The following SULT1A1 variants were observed in gnomAD, a reference collection of about 807,000 sequenced individuals.
SULT1A1 encodes sulfotransferase 1A1.
SULT1A1 carries 35 observed loss-of-function variants against 36.8 expected under a neutral mutation model. That is an observed-to-expected ratio of 0.95 (90% CI 0.73 to 1.26). SULT1A1 has a LOEUF of 1.26. Among genes scored for constraint, SULT1A1 ranks in the 50% most tolerant of loss-of-function variants. SULT1A1 has a pLI of 0.00. For missense variants in SULT1A1, 309 were observed against 383.0 expected (o/e 0.81, Z 1.61); for synonymous variants, 119 against 146.0 (o/e 0.82, Z 1.33).
At chr16:28,623,351 G>C (rs2047696614) in exon 1 of SULT1A1, 5 of 1,495,036 alleles carry the variant, frequency 3.3e-6, no homozygotes, top group Admixed American at 2.3e-5. Context: ...GCACGTCCCC[G>C]GCGGAGACGA....
chr16:28,609,847 G>A, intron 1 of SULT1A1, 84 bp downstream of exon 1: 2 of 1,188,384 alleles, frequency 1.7e-6, no homozygotes, highest in South Asian at 2.9e-5. Flanking sequence ...GGGCAGGGAT[G>A]CCAGAGGCCT....
chr16:28,620,266 C>T, intron 1 of SULT1A1: 1 of 803,760 alleles, frequency 1.2e-6, no homozygotes, highest in Middle Eastern at 4.0e-4. Flanking sequence ...TCTGATCCTA[C>T]AGTGAAAAGA....
Position 28,605,344 on chromosome 16 carries a change from C to A in SULT1A1, c.*477G>T, listed in dbSNP as rs4788069. Reference sequence around the variant, plus strand: ...CTTGAGTGGATTAGCCCAGTCAGCCCACTGCAGCCATAACCTCCCTGGCTC... The same window carrying A: ...CTTGAGTGGATTAGCCCAGTCAGCCAACTGCAGCCATAACCTCCCTGGCTC... On this transcript the variant is annotated 3_prime_UTR_variant, in exon 8 of 8. Transcript: ENST00000314752. The A allele has an allele frequency of 0.33, 81,002 of 245,096 alleles. 13,430 individuals carry two copies. Among genetic ancestry groups the A allele is most frequent in the Admixed American group, 0.4 (7,628 of 18,850 alleles). The allele number at this position is 245,096 out of a possible 1,614,324, so 15.2% of individuals were successfully genotyped here. A position where few individuals can be genotyped will look rare whatever the true frequency, so the allele number is the denominator to read the frequency against.
upstream of SULT1A1, chr16:28,611,444 C>T (rs1371365250): frequency 1.3e-5 from 2 of 152,206 alleles, no homozygotes; most frequent in Non-Finnish European, 2.9e-5. Flanking sequence ...CGTACACCCA[C>T]CAGTGCCAAG....
intron 1 of SULT1A1, chr16:28,609,567 C>G (rs1469594429): frequency 2.2e-6 from 1 of 447,044 alleles, no homozygotes; most frequent in Non-Finnish European, 3.9e-6. Context: ...TGCAGCATTG[C>G]AAGACCCCAT....
exon 1 of SULT1A1, chr16:28,623,367 C>G (rs1314150164): frequency 4.7e-6 from 7 of 1,484,966 alleles, no homozygotes; most frequent in Admixed American, 2.3e-5. Context: ...GACGAGCGAG[C>G]TACGGCACGC....
intron 4 of SULT1A1, chr16:28,607,460 C>T (rs557678551): frequency 9.1e-5 from 19 of 207,890 alleles, no homozygotes; most frequent in South Asian, 4.7e-4. Flanking sequence ...AGACAGTCCC[C>T]GCCGCAGAAG....
At chr16:28,618,151 T>G (rs111389220) in intron 2 of SULT1A1, among the ~76,000 whole-genome samples, 1 of 150,414 alleles carries the variant, frequency 6.6e-6, no homozygotes, top group Non-Finnish European at 1.5e-5. Context: ...AATCCTCCCA[T>G]CTCAGCTTCC....
At position 28,606,835 on chromosome 16, in the gene SULT1A1, G is replaced by A. The variant is rs1169452797; in HGVS notation, c.520C>T (p.Gln174Ter). Reference protein sequence around the residue: ...VGEVSYGSWYQHVQEWWELSR... With the variant: ...VGEVSYGSWY ...AGCTCCCACCACTCCTGCACGTGCT[G>A]GTACCAGGATCCGTAGGACACTGGA... Residue 174 changes from glutamine (Q) to a stop codon, truncating the protein, a stop_gained, in exon 6 of 8, where the codon CAG becomes TAG. Transcript: ENST00000314752. LOFTEE classifies it high-confidence loss of function. 3.3e-5 allele frequency: 53 copies of A among 1,612,532 alleles called. 1 individual carries two copies. Among genetic ancestry groups the A allele is most frequent in the Non-Finnish European group, 4.5e-5 (53 of 1,178,716 alleles).
At chr16:28,610,264 GTT>G (rs538720119), upstream of SULT1A1, 3,627 of 347,198 alleles carry the variant, frequency 0.01, 1 homozygote, top group African/African-American at 0.015. Context: ...TTTTTTTTCT[GTT>G]TTTTTTTTTT....
chr16:28,606,342 A>C (rs2047185335), intron 6 of SULT1A1, 106 bp from the exon 7 acceptor site: 1 of 1,573,492 alleles, frequency 6.4e-7, no homozygotes, highest in South Asian at 1.1e-5. Context: ...CTTCTCCTAG[A>C]AACCCTGCAG....
At position 28,605,734 on chromosome 16, in the gene SULT1A1, C is replaced by T; in HGVS notation, c.*87G>A. ...GGGATTACAGACATGACCTACCGTC[C>T]CGGGCCCTCAATTCATATTTTATTC... On this transcript the variant is annotated 3_prime_UTR_variant, in exon 8 of 8. Transcript: ENST00000314752. 1 of 1,588,908 alleles carries T rather than the reference C, an allele frequency of 6.3e-7. No individual in the cohort carries two copies. The highest frequency in any genetic ancestry group is 1.1e-5 in the South Asian group (1 of 89,048).
chr16:28,618,919 C>T (rs899002433), intron 2 of SULT1A1, among the ~76,000 whole-genome samples: 3 of 152,142 alleles, frequency 2.0e-5, no homozygotes, highest in African/African-American at 7.2e-5. Context: ...CCTTTGGCTG[C>T]AAAATTTACA....
intron 2 of SULT1A1, among the ~76,000 whole-genome samples, chr16:28,615,845 G>C (rs943758420): frequency 1.3e-5 from 2 of 152,238 alleles, no homozygotes; most frequent in Non-Finnish European, 2.9e-5. Context: ...AGGCAGAGAG[G>C]GAGAGGAGAC....
At chr16:28,609,684 G>A in intron 1 of SULT1A1, 4 of 412,614 alleles carry the variant, frequency 9.7e-6, no homozygotes, top group Non-Finnish European at 1.7e-5. Context: ...CTTGAGCCCA[G>A]GAATTCAAGG....
Position 28,606,352 on chromosome 16 carries a change from G to T in SULT1A1, c.595-116C>A, listed in dbSNP as rs2047185520. 1.3e-6 allele frequency: 2 copies of T among 1,551,178 alleles called. 1 individual carries two copies. The highest frequency in any genetic ancestry group is 3.8e-5 in the Admixed American group (2 of 52,090). ...GGCCACTTCTCCTAGAAACCCTGCA[G>T]AGCCAACTCCTCAACCCCCAGGGCC... On this transcript the variant is annotated intron_variant, in intron 6 of 7. Transcript: ENST00000314752.
chr16:28,609,301 G>C, intron 1 of SULT1A1: 2 of 1,266,632 alleles, frequency 1.6e-6, no homozygotes, highest in East Asian at 5.2e-5. Flanking sequence ...TCCCCTCCTT[G>C]AGCCCCTCAG....
rs764808455 is a variant in SULT1A1, at chr16:28,617,908, C to T, written c.138+2155G>A. On this transcript the variant is annotated intron_variant, in intron 2 of 5. Transcript: ENST00000350842. ...TTTAGACTGCTGGTATACCCTCTTT[C>T]TTTTCCTGAGGGTAGATGAGACTCA... Among the ~76,000 whole-genome samples the T allele has an allele frequency of 7.2e-5, 11 of 152,130 alleles. No homozygotes were observed. The South Asian group carries it at 8.3e-4, about 11-fold the overall frequency.
At position 28,606,953 on chromosome 16, in the gene SULT1A1, T is replaced by G; in HGVS notation, c.497A>C (p.Glu166Ala). 1 of 1,612,386 alleles carries G rather than the reference T, an allele frequency of 6.2e-7. No homozygotes were observed. The highest frequency in any genetic ancestry group is 8.5e-7 in the Non-Finnish European group (1 of 1,178,646). ...TTCCTTCCTCCCATCAAACCCACCT[T>G]CTCCGACCATGAACTTCTCCAGGAA... ...DSFLEKFMVG[E>A]VSYGSWYQHV... Residue 166 changes from glutamate to alanine, a missense_variant and splice_region_variant, in exon 5 of 8, where the codon GAA (glutamate) becomes GCA (alanine). Glu to Ala is a moderately radical substitution (Grantham distance 107). Coordinates refer to ENST00000314752, the MANE Select transcript of SULT1A1 (RefSeq NM_001055.4).
Sources: gnomAD v4.1 joint callset for allele counts (sites outside exome capture counted in the v4.1 genomes callset) on GRCh38, gnomAD v4.1.1 for gene constraint, MANE v1.5 for transcripts, NCBI Gene and HGNC (gene_info 2026-07-23, HGNC 2026-07-21) for gene names.